MAPK4: variants seen among roughly 807,000 people sequenced by gnomAD.
MAPK4 encodes the protein Erk3-related.
Under a neutral mutation model 47.7 loss-of-function variants are expected in MAPK4, and 22 were observed. The observed-to-expected ratio is 0.46, with a 90% CI of 0.33 to 0.66. The LOEUF is 0.66. Ranked by LOEUF, MAPK4 falls within the 30% of genes least tolerant of loss-of-function variation. The pLI is 0.02. For synonymous variants in MAPK4, 390 were observed against 365.7 expected (o/e 1.07, Z -0.76); for missense variants, 736 against 831.7 (o/e 0.88, Z 1.42).
intron 1 of MAPK4, among the ~76,000 whole-genome samples, chr18:50,631,301 A>G (rs1345686066): frequency 6.6e-6 from 1 of 152,108 alleles, no homozygotes; most frequent in Non-Finnish European, 1.5e-5. Context: ...GGAGGCTGTG[A>G]TGTGCCTCAC....
At chr18:50,652,365 G>A (rs1424065107) in intron 1 of MAPK4, among the ~76,000 whole-genome samples, 2 of 152,298 alleles carry the variant, frequency 1.3e-5, no homozygotes, top group Middle Eastern at 3.4e-3. Flanking sequence ...TAGCCTCCCC[G>A]GGAATAGTAG....
intron 1 of MAPK4, among the ~76,000 whole-genome samples, chr18:50,641,743 G>T (rs1010083115): frequency 2.0e-5 from 3 of 152,102 alleles, no homozygotes; most frequent in African/African-American, 7.2e-5. Context: ...ACAACATTTA[G>T]AAATAAACTA....
intron 1 of MAPK4, among the ~76,000 whole-genome samples, chr18:50,622,385 C>T (rs1269831733): frequency 1.3e-5 from 2 of 152,310 alleles, no homozygotes; most frequent in Middle Eastern, 3.4e-3. Flanking sequence ...GGGACTTCTG[C>T]AGCCAAAAAG....
chr18:50,623,272 T>A (rs1358177798), intron 1 of MAPK4, among the ~76,000 whole-genome samples: 1 of 152,220 alleles, frequency 6.6e-6, no homozygotes, highest in Non-Finnish European at 1.5e-5. Flanking sequence ...CAGTCAGGTC[T>A]CAGCTCTTGA....
chr18:50,686,522 G>A (rs1598910486), intron 2 of MAPK4, among the ~76,000 whole-genome samples: 2 of 152,316 alleles, frequency 1.3e-5, no homozygotes, highest in South Asian at 2.1e-4. Context: ...TGTGGCTCCC[G>A]ATTTAAGCAA....
chr18:50,610,468 A>G (rs554652202), intron 1 of MAPK4, among the ~76,000 whole-genome samples: 2 of 152,318 alleles, frequency 1.3e-5, no homozygotes, highest in East Asian at 1.9e-4. Context: ...ACCAAGTTCA[A>G]CGCCAGGGTG....
At chr18:50,685,766 C>T (rs564808240) in intron 2 of MAPK4, among the ~76,000 whole-genome samples, 4 of 152,258 alleles carry the variant, frequency 2.6e-5, no homozygotes, top group South Asian at 2.1e-4. Flanking sequence ...CACCTTCCGA[C>T]GGTTTGGGAA....
In MAPK4 at chr18:50,702,396, A is replaced by C. The variant is rs1419769131; in HGVS notation, c.547-12683A>C. 2.0e-5 allele frequency among the ~76,000 whole-genome samples: 3 copies of C among 152,322 alleles called. No individual in the cohort carries two copies. The East Asian group carries it at 5.8e-4, about 29-fold the overall frequency. On this transcript the variant is annotated intron_variant, in intron 2 of 5. Transcript: ENST00000400384. ...TAGCAAGACCCTGTCTCTTAAAAAA[A>C]TAAAGAAGCATATTACAAAATTGTC...
At chr18:50,716,569 G>A (rs1910645369) in intron 3 of MAPK4, among the ~76,000 whole-genome samples, 1 of 152,216 alleles carries the variant, frequency 6.6e-6, no homozygotes, top group South Asian at 2.1e-4. Context: ...ACCATGGTGA[G>A]GCCAGTCTCC....
chr18:50,652,453 G>A (rs563171363), intron 1 of MAPK4, among the ~76,000 whole-genome samples: 3 of 152,250 alleles, frequency 2.0e-5, no homozygotes, highest in Middle Eastern at 6.8e-3. Context: ...TGGGTGGAAG[G>A]AAGTCAAGAA....
intron 1 of MAPK4, among the ~76,000 whole-genome samples, chr18:50,660,863 T>C (rs2043163647): frequency 6.6e-6 from 1 of 152,160 alleles, no homozygotes; most frequent in African/African-American, 2.4e-5. Context: ...GCTTGCCACG[T>C]TGACATCGTA....
At chr18:50,605,828 C>T (rs950571061) in intron 1 of MAPK4, among the ~76,000 whole-genome samples, 23 of 152,196 alleles carry the variant, frequency 1.5e-4, no homozygotes, top group African/African-American at 5.3e-4. Context: ...ACATGGCAGC[C>T]TCTGTCCCAT....
At chr18:50,677,586 G>A (rs765641112) in intron 2 of MAPK4, among the ~76,000 whole-genome samples, 4 of 151,826 alleles carry the variant, frequency 2.6e-5, no homozygotes, top group Non-Finnish European at 5.9e-5. Context: ...TTGAGACAGG[G>A]TCCCACTCTG....
chr18:50,605,341 AG>A (rs2042573543), intron 1 of MAPK4, among the ~76,000 whole-genome samples: 2 of 152,200 alleles, frequency 1.3e-5, no homozygotes, highest in African/African-American at 4.8e-5. Flanking sequence ...GAGGGCTCCC[AG>A]GAAGATTCAG....
At position 50,693,231 on chromosome 18, in the gene MAPK4, C is replaced by A. The variant is rs558460414; in HGVS notation, c.547-21848C>A. Among the ~76,000 whole-genome samples the A allele has an allele frequency of 5.3e-5, 8 of 152,166 alleles. No individual in the cohort carries two copies. In the East Asian group the frequency reaches 1.4e-3, roughly 26 times the overall value. The stretch of plus-strand genomic sequence containing the variant: ...CCACGATAGCACCACTGCACTCCAG[C>A]CTAGGCAACAGAGAGAGACTCTATC... On this transcript the variant is annotated intron_variant, in intron 2 of 5. Coordinates refer to ENST00000400384, the MANE Select transcript of MAPK4 (RefSeq NM_002747.4).
chr18:50,723,364 C>T (rs1266635962), intron 4 of MAPK4, among the ~76,000 whole-genome samples: 1 of 152,304 alleles, frequency 6.6e-6, no homozygotes, highest in African/African-American at 2.4e-5. Flanking sequence ...GCCCCAGGCA[C>T]ACAGCCATTT....
chr18:50,681,275 A>G lies in MAPK4; in HGVS notation c.546+16771A>G, dbSNP rs151227233. The stretch of plus-strand genomic sequence containing the variant: ...GGGTTTTTAAAATTATTGAATTATA[A>G]AAGTTTTTTAAATATTCCAAATGTA... On this transcript the variant is annotated intron_variant, in intron 2 of 5. Coordinates refer to ENST00000400384, the MANE Select transcript of MAPK4 (RefSeq NM_002747.4). Among the ~76,000 whole-genome samples, 462 of 152,306 alleles carry G rather than the reference A, an allele frequency of 3.0e-3. 1 individual carries two copies. Among genetic ancestry groups the G allele is most frequent in the African/African-American group, 0.01 (418 of 41,564 alleles).
At chr18:50,563,508 T>C (rs1598772979) in intron 1 of MAPK4, among the ~76,000 whole-genome samples, 1 of 152,244 alleles carries the variant, frequency 6.6e-6, no homozygotes, top group African/African-American at 2.4e-5. Flanking sequence ...ATCCCACAGC[T>C]GTCAAGGACC....
At chr18:50,726,901 C>T (rs1441598001) in intron 5 of MAPK4, among the ~76,000 whole-genome samples, 2 of 152,058 alleles carry the variant, frequency 1.3e-5, no homozygotes, top group Non-Finnish European at 2.9e-5. Flanking sequence ...TATTATTGCC[C>T]ATTGACACAC....
Sources: gnomAD v4.1 joint callset for allele counts (sites outside exome capture counted in the v4.1 genomes callset) on GRCh38, gnomAD v4.1.1 for gene constraint, MANE v1.5 for transcripts, NCBI Gene and HGNC (gene_info 2026-07-23, HGNC 2026-07-21) for gene names.